The following C1QTNF3 variants were observed in gnomAD, a reference collection of about 807,000 sequenced individuals.
C1QTNF3 encodes complement C1q tumor necrosis factor-related protein 3.
Under a neutral mutation model 32.6 loss-of-function variants are expected in C1QTNF3, and 26 were observed. That is an observed-to-expected ratio of 0.80 (90% CI 0.58 to 1.11). C1QTNF3 has a LOEUF of 1.11. Among genes scored for constraint, C1QTNF3 ranks in the 50% least tolerant of loss-of-function variants. The probability of loss-of-function intolerance (pLI) is 0.00; values close to 1 mark genes in which losing one functional copy is unlikely to be tolerated. For missense variants in C1QTNF3, 362 were observed against 398.2 expected (o/e 0.91, Z 0.77); for synonymous variants, 155 against 146.0 (o/e 1.06, Z -0.44).
At chr5:34,241,091 CA>C in the C1QTNF3 span, among the ~76,000 whole-genome samples, 2 of 147,330 alleles carry the variant, frequency 1.4e-5, no homozygotes, top group Admixed American at 1.4e-4. Flanking sequence ...AAAAACAAAA[CA>C]AAAAAAAAAC....
At chr5:34,108,300 GT>G in the C1QTNF3 span, among the ~76,000 whole-genome samples, 1 of 152,032 alleles carries the variant, frequency 6.6e-6, no homozygotes. Flanking sequence ...GGAGTCAAGA[GT>G]ATTCTTCTAT....
the C1QTNF3 span, among the ~76,000 whole-genome samples, chr5:34,170,648 A>C: frequency 2.6e-5 from 4 of 152,174 alleles, no homozygotes; most frequent in Non-Finnish European, 4.4e-5. Context: ...TATCACTGAA[A>C]GTGCATTAAC....
the C1QTNF3 span, among the ~76,000 whole-genome samples, chr5:34,242,542 T>C: frequency 6.7e-6 from 1 of 148,786 alleles, no homozygotes; most frequent in Non-Finnish European, 1.5e-5. Context: ...ATGTAAGACT[T>C]CAAATTATGA....
At chr5:34,220,179 T>C in the C1QTNF3 span, among the ~76,000 whole-genome samples, 1 of 152,046 alleles carries the variant, frequency 6.6e-6, no homozygotes, top group African/African-American at 2.4e-5. Context: ...TTTCCTTACA[T>C]TGCAAATCAA....
chr5:34,144,171 G>T, the C1QTNF3 span, among the ~76,000 whole-genome samples: 1 of 151,900 alleles, frequency 6.6e-6, no homozygotes, highest in Non-Finnish European at 1.5e-5. Flanking sequence ...AATTAAGAAA[G>T]GCATTACGTA....
chr5:34,070,535 T>A, the C1QTNF3 span, among the ~76,000 whole-genome samples: 1 of 152,172 alleles, frequency 6.6e-6, no homozygotes. Context: ...GTAGAGTTTA[T>A]GCCATAAAAA....
rs74899306 is a variant in C1QTNF3, at chr5:34,020,400, G to A, written c.*183C>T. 2.8e-3 allele frequency: 1,883 copies of A among 672,656 alleles called. 27 individuals are homozygous for A. The African/African-American group carries it at 0.03, about 11-fold the overall frequency. 41.7% of individuals were successfully genotyped at this position (672,656 alleles called of 1,614,324 possible). A position where few individuals can be genotyped will look rare whatever the true frequency, so the allele number is the denominator to read the frequency against. On this transcript the variant is annotated 3_prime_UTR_variant, in exon 6 of 6. Transcript: ENST00000382065. ...GGTCATCTGAGAAGACTATTTTGTG[G>A]TTGATTCTTCTGAGCCCCTGAATTG... is the stretch of plus-strand genomic sequence containing the variant.
At chr5:34,170,045 T>G in the C1QTNF3 span, among the ~76,000 whole-genome samples, 1 of 152,212 alleles carries the variant, frequency 6.6e-6, no homozygotes, top group South Asian at 2.1e-4. Flanking sequence ...TCTATGCCCA[T>G]TGGCAGATGA....
At chr5:34,236,785 A>G in the C1QTNF3 span, among the ~76,000 whole-genome samples, 1 of 151,894 alleles carries the variant, frequency 6.6e-6, no homozygotes, top group Non-Finnish European at 1.5e-5. Flanking sequence ...CGTGTTGGCC[A>G]GGATGGTCTT....
At chr5:34,224,334 G>A in the C1QTNF3 span, among the ~76,000 whole-genome samples, 6 of 152,100 alleles carry the variant, frequency 3.9e-5, no homozygotes, top group Admixed American at 3.3e-4. Context: ...AAAAGAGCCC[G>A]CATCGCCAAG....
the C1QTNF3 span, among the ~76,000 whole-genome samples, chr5:34,183,455 C>T: frequency 2.1e-5 from 3 of 143,826 alleles, no homozygotes; most frequent in East Asian, 4.1e-4. Flanking sequence ...CTCAGCCTTC[C>T]GAGTACCTGG....
the C1QTNF3 span, among the ~76,000 whole-genome samples, chr5:34,103,468 A>T: frequency 6.6e-6 from 1 of 150,922 alleles, no homozygotes; most frequent in Non-Finnish European, 1.5e-5. Context: ...TTTTTGTTAC[A>T]TATATTCACA....
the C1QTNF3 span, among the ~76,000 whole-genome samples, chr5:34,244,388 G>A: frequency 6.6e-6 from 1 of 152,178 alleles, no homozygotes; most frequent in African/African-American, 2.4e-5. Context: ...CCTCCACACT[G>A]TGGAAAGGGA....
At chr5:34,140,681 A>T in the C1QTNF3 span, among the ~76,000 whole-genome samples, 8 of 152,160 alleles carry the variant, frequency 5.3e-5, no homozygotes, top group Non-Finnish European at 1.0e-4. Flanking sequence ...TGGTAAAATT[A>T]AAAAAATTCT....
At position 34,023,989 on chromosome 5, in the gene C1QTNF3, G is replaced by A; in HGVS notation, c.720C>T (p.Phe240=). The part of the protein sequence containing the change: ...APVSGVYFFT[F]SMMKHEDVEE... ...CAACATCCTCATGCTTCATCATGCT[G>A]AAGGTGAAGAAATACACACCTGAAA... The change falls in exon 5 of 6, where the codon TTC becomes TTT. Residue 240 remains phenylalanine (F), a synonymous_variant. Transcript: ENST00000382065. 6.2e-7 allele frequency: 1 copy of A among 1,614,004 alleles called. No homozygotes were observed. The highest frequency in any genetic ancestry group is 1.1e-5 in the South Asian group (1 of 91,062).
chr5:34,043,311 AG>A (rs1192275456), upstream of C1QTNF3: 4 of 606,566 alleles, frequency 6.6e-6, no homozygotes, highest in Non-Finnish European at 1.1e-5. Flanking sequence ...CAGGCAGAAC[AG>A]CCCCCATTCA....
At chr5:34,068,258 G>A in the C1QTNF3 span, among the ~76,000 whole-genome samples, 5 of 151,900 alleles carry the variant, frequency 3.3e-5, no homozygotes, top group Admixed American at 6.6e-5. Flanking sequence ...CTTTATTCAC[G>A]GCTCTTTTCA....
chr5:34,239,055 TGAA>T, the C1QTNF3 span, among the ~76,000 whole-genome samples: 1 of 152,160 alleles, frequency 6.6e-6, no homozygotes, highest in African/African-American at 2.4e-5. Flanking sequence ...ACTTCCTAAG[TGAA>T]GAAGAAACAA....
At chr5:34,116,805 G>C in the C1QTNF3 span, among the ~76,000 whole-genome samples, 6 of 151,986 alleles carry the variant, frequency 3.9e-5, no homozygotes, top group African/African-American at 1.2e-4. Flanking sequence ...CATGTTGGCC[G>C]GGCTGGTTTG....
Sources: gnomAD v4.1 joint callset for allele counts (sites outside exome capture counted in the v4.1 genomes callset) on GRCh38, gnomAD v4.1.1 for gene constraint, MANE v1.5 for transcripts, NCBI Gene and HGNC (gene_info 2026-07-23, HGNC 2026-07-21) for gene names.